IQSEC3: variants seen among roughly 807,000 people sequenced by gnomAD.
The protein encoded by IQSEC3 is IQ motif and Sec7 domain ArfGEF 3.
Under a neutral mutation model 105.4 loss-of-function variants are expected in IQSEC3, and 50 were observed. That is an observed-to-expected ratio of 0.47 (90% CI 0.38 to 0.60). IQSEC3 has a LOEUF of 0.60. Among genes scored for constraint, IQSEC3 ranks in the 20% least tolerant of loss-of-function variants. The probability of loss-of-function intolerance (pLI) is 0.00; values close to 1 mark genes in which losing one functional copy is unlikely to be tolerated. For missense variants in IQSEC3, 1,415 were observed against 1,630.0 expected (o/e 0.87, Z 2.27); for synonymous variants, 708 against 746.0 (o/e 0.95, Z 0.83).
intron 2 of IQSEC3, among the ~76,000 whole-genome samples, chr12:118,647 A>C (rs1865124451): frequency 6.6e-6 from 1 of 150,870 alleles, no homozygotes; most frequent in Non-Finnish European, 1.5e-5. Flanking sequence ...ATAGGAGAAC[A>C]GCCCTCAAGC....
At chr12:99,727 A>T (rs1488264517) in intron 2 of IQSEC3, among the ~76,000 whole-genome samples, 2 of 151,932 alleles carry the variant, frequency 1.3e-5, no homozygotes, top group East Asian at 1.9e-4. Flanking sequence ...CTGGAGCGGG[A>T]GTGTTGAGGA....
At chr12:167,583 A>C (rs1416242358) in intron 11 of IQSEC3, 1 of 152,106 alleles carries the variant, frequency 6.6e-6, no homozygotes, top group African/African-American at 2.4e-5. Flanking sequence ...CAGGAAAAAA[A>C]AAAAAAAGAA....
chr12:70,680 C>T (rs1863280471), intron 1 of IQSEC3, among the ~76,000 whole-genome samples: 1 of 152,280 alleles, frequency 6.6e-6, no homozygotes, highest in Non-Finnish European at 1.5e-5. Flanking sequence ...TCTGAAGTGG[C>T]TGGCTTCAGT....
rs567906331 is a variant in IQSEC3, at chr12:93,206, C to T, written c.555-5940C>T. On this transcript the variant is annotated intron_variant, in intron 1 of 13. Coordinates refer to ENST00000538872, the MANE Select transcript of IQSEC3 (RefSeq NM_001170738.2). ...GATCCACTTGTGGAGAACTGGTGCA[C>T]CTGGCATGGACCCCCCCAAAGCTTC... Among the ~76,000 whole-genome samples the T allele has an allele frequency of 3.9e-5, 6 of 152,312 alleles. No homozygotes were observed. In the South Asian group the frequency reaches 1.0e-3, roughly 26 times the overall value.
In IQSEC3 at chr12:122,650, C is replaced by T. The variant is rs183739283; in HGVS notation, c.624-2983C>T. 3.7e-3 allele frequency among the ~76,000 whole-genome samples: 563 copies of T among 152,306 alleles called. 2 individuals are homozygous for T. The highest frequency in any genetic ancestry group is 6.7e-3 in the Non-Finnish European group (459 of 68,038). Reference sequence around the variant, plus strand: ...TTTGGGCCACTGGGGCTCGATCCCACTGGGGACTTAGGGAGATGGTATAGG... The same window carrying T: ...TTTGGGCCACTGGGGCTCGATCCCATTGGGGACTTAGGGAGATGGTATAGG... On this transcript the variant is annotated intron_variant, in intron 2 of 13. Transcript: ENST00000538872.
intron 7 of IQSEC3, among the ~76,000 whole-genome samples, chr12:159,331 G>T (rs1166838963): frequency 6.6e-6 from 1 of 152,224 alleles, no homozygotes; most frequent in Non-Finnish European, 1.5e-5. Flanking sequence ...CAGTGGCTGG[G>T]CCAGGGCACA....
chr12:132,494 A>C (rs1033953290), intron 3 of IQSEC3, among the ~76,000 whole-genome samples: 6 of 152,154 alleles, frequency 3.9e-5, no homozygotes, highest in Admixed American at 1.3e-4. Context: ...AGTAAGAAGG[A>C]CACAGAGATA....
intron 1 of IQSEC3, among the ~76,000 whole-genome samples, chr12:71,286 T>C (rs1393484693): frequency 1.3e-4 from 20 of 152,392 alleles, no homozygotes; most frequent in Admixed American, 5.2e-4. Flanking sequence ...AGAAAGAAAG[T>C]GTGAAGGTCT....
intron 2 of IQSEC3, among the ~76,000 whole-genome samples, chr12:116,622 C>A (rs1307940574): frequency 6.6e-6 from 1 of 152,242 alleles, no homozygotes; most frequent in African/African-American, 2.4e-5. Flanking sequence ...CAGCTGCAGT[C>A]AGACTCCTGC....
chr12:151,247 A>G (rs1866499920), intron 5 of IQSEC3, among the ~76,000 whole-genome samples: 1 of 138,914 alleles, frequency 7.2e-6, no homozygotes, highest in East Asian at 2.2e-4. Flanking sequence ...CGTGTGCCCC[A>G]AGATGGAGAC....
intron 11 of IQSEC3, 137 bp from the exon 12 acceptor site, chr12:168,876 C>T (rs977141230): frequency 8.0e-6 from 6 of 746,308 alleles, no homozygotes; most frequent in Non-Finnish European, 1.2e-5. Flanking sequence ...GGGCCAGACC[C>T]GAGGTCCGTG....
intron 3 of IQSEC3, among the ~76,000 whole-genome samples, chr12:133,960 G>C (rs1555085674): frequency 6.6e-6 from 1 of 152,228 alleles, no homozygotes; most frequent in Non-Finnish European, 1.5e-5. Flanking sequence ...GTGTAAAATA[G>C]GAAGAAAGGG....
At chr12:134,882 C>T (rs559957703) in intron 3 of IQSEC3, among the ~76,000 whole-genome samples, 41 of 142,742 alleles carry the variant, frequency 2.9e-4, no homozygotes, top group Admixed American at 3.5e-4. Context: ...TCCCAGCACT[C>T]TGGGAGGCCA....
chr12:150,603 C>T (rs1225374034), intron 5 of IQSEC3, among the ~76,000 whole-genome samples: 2 of 152,202 alleles, frequency 1.3e-5, no homozygotes, highest in Non-Finnish European at 2.9e-5. Flanking sequence ...GAGCAATTAA[C>T]CATGTCGATG....
intron 4 of IQSEC3, 133 bp from the exon 5 acceptor site, chr12:140,991 G>C (rs782377957): frequency 1.2e-5 from 11 of 891,536 alleles, no homozygotes; most frequent in Non-Finnish European, 1.9e-5. Flanking sequence ...TTGAGGCTCT[G>C]GTGAGAGAAG....
At chr12:117,982 G>A (rs369812551) in intron 2 of IQSEC3, among the ~76,000 whole-genome samples, 2 of 152,222 alleles carry the variant, frequency 1.3e-5, no homozygotes, top group Non-Finnish European at 2.9e-5. Context: ...CGACACAGCG[G>A]GTGTGGCCAG....
chr12:99,993 G>C (rs1864371359), intron 2 of IQSEC3, among the ~76,000 whole-genome samples: 1 of 141,710 alleles, frequency 7.1e-6, no homozygotes, highest in African/African-American at 2.7e-5. Flanking sequence ...TTTTCCACCA[G>C]TTTGTCTGTC....
chr12:171,158 G>A lies in IQSEC3; in HGVS notation c.3111G>A (p.Val1037=). The A allele has an allele frequency of 1.2e-6, 2 of 1,614,124 alleles. No individual in the cohort carries two copies. The highest frequency in any genetic ancestry group is 1.1e-5 in the South Asian group (1 of 91,080). Residue 1037 remains valine (V), a synonymous_variant, in exon 13 of 14, where the codon GTG becomes GTA. Transcript: ENST00000538872. ...ALRERPAEST[V]EVSIHNRLQT... The stretch of plus-strand genomic sequence containing the variant: ...GGGAGAGGCCGGCGGAGAGCACGGT[G>A]GAGGTAAGTGGAGCCCTGGTTGCCC...
chr12:165,451 G>A lies in IQSEC3; in HGVS notation c.2727G>A (p.Pro909=), dbSNP rs781852109. Residue 909 remains proline (P), a synonymous_variant, in exon 10 of 14, where the codon CCG becomes CCA. Transcript: ENST00000538872. The stretch of plus-strand genomic sequence containing the variant: ...CTGAACAGATTCTCAAACTTTGCCC[G>A]AAGAAGAAGAGCTCCTCCACGTACA... ...NDLLVILKLC[P]KKKSSSTYTF... The A allele has an allele frequency of 1.4e-5, 22 of 1,613,512 alleles. No homozygotes were observed. The highest frequency in any genetic ancestry group is 3.3e-5 in the Admixed American group (2 of 59,992).
Sources: allele counts gnomAD v4.1 joint callset (sites outside exome capture counted in the v4.1 genomes callset), GRCh38; gene constraint gnomAD v4.1.1; transcripts MANE v1.5; gene names NCBI Gene and HGNC (gene_info 2026-07-23, HGNC 2026-07-21).